Variants in C8orf34 observed in about 807,000 individuals in gnomAD.
The protein encoded by C8orf34 is uncharacterized protein C8orf34.
A neutral mutation model predicts 68.3 loss-of-function variants in C8orf34; 65 were observed. The ratio of observed to expected loss-of-function variants is 0.95; its 90% confidence interval spans 0.78 to 1.17. C8orf34 has a LOEUF of 1.17. Ranked by LOEUF, C8orf34 falls within the 50% of genes most tolerant of loss-of-function variation. C8orf34 has a pLI of 0.00. For synonymous variants in C8orf34, 244 were observed against 241.2 expected (o/e 1.01, Z -0.11); for missense variants, 664 against 655.4 (o/e 1.01, Z -0.14).
At chr8:68,709,664 C>T (rs1300151024) in intron 9 of C8orf34, among the ~76,000 whole-genome samples, 2 of 152,144 alleles carry the variant, frequency 1.3e-5, no homozygotes, top group Admixed American at 6.5e-5. Flanking sequence ...CCCTCTTTCT[C>T]CATCAACTCC....
At chr8:68,379,312 A>G (rs1807935015) in intron 1 of C8orf34, among the ~76,000 whole-genome samples, 1 of 152,200 alleles carries the variant, frequency 6.6e-6, no homozygotes, top group Non-Finnish European at 1.5e-5. Flanking sequence ...TTTCAGGTCC[A>G]CTTCCTTCCT....
At chr8:68,648,019 C>T (rs1453163391) in intron 8 of C8orf34, among the ~76,000 whole-genome samples, 1 of 152,054 alleles carries the variant, frequency 6.6e-6, no homozygotes, top group African/African-American at 2.4e-5. Flanking sequence ...GTAAAATAAG[C>T]CTTTATAAAA....
chr8:68,618,915 T>C (rs1201590987), intron 7 of C8orf34, among the ~76,000 whole-genome samples: 1 of 152,160 alleles, frequency 6.6e-6, no homozygotes, highest in Non-Finnish European at 1.5e-5. Flanking sequence ...ATATAATATC[T>C]AATTAAGTTT....
chr8:68,660,006 A>G (rs1325455697), intron 8 of C8orf34, among the ~76,000 whole-genome samples: 1 of 152,236 alleles, frequency 6.6e-6, no homozygotes, highest in Non-Finnish European at 1.5e-5. Flanking sequence ...CAGTAGCTTA[A>G]CATAATAACC....
chr8:68,454,427 C>T (rs919478081), intron 3 of C8orf34, among the ~76,000 whole-genome samples: 12 of 152,028 alleles, frequency 7.9e-5, no homozygotes, highest in Middle Eastern at 3.4e-3. Flanking sequence ...TCTTTATTAC[C>T]GAGTCAAAAT....
intron 7 of C8orf34, among the ~76,000 whole-genome samples, chr8:68,589,467 G>T (rs373430707): frequency 1.7e-5 from 2 of 120,734 alleles, no homozygotes; most frequent in Non-Finnish European, 3.6e-5. Flanking sequence ...GAGAAAGAAA[G>T]AAGAAAGAGG....
Position 68,651,715 on chromosome 8 carries a change from A to G in C8orf34, c.1241+11204A>G, listed in dbSNP as rs184091415. Among the ~76,000 whole-genome samples the G allele has an allele frequency of 5.9e-5, 9 of 152,348 alleles. No individual in the cohort carries two copies. In the East Asian group the frequency reaches 1.5e-3, roughly 26 times the overall value. ...AGCTAAACACTGGGTACACATGGAC[A>G]TAAGGATGGAAACAATAGACCCTGG... On this transcript the variant is annotated intron_variant, in intron 8 of 13. Transcript: ENST00000518698.
intron 11 of C8orf34, among the ~76,000 whole-genome samples, chr8:68,784,288 A>T (rs2129528906): frequency 6.6e-6 from 1 of 152,286 alleles, no homozygotes; most frequent in South Asian, 2.1e-4. Flanking sequence ...TTTTCATCAT[A>T]ATTAGATTGG....
At chr8:68,654,333 C>A (rs899092791) in intron 8 of C8orf34, among the ~76,000 whole-genome samples, 8 of 152,170 alleles carry the variant, frequency 5.3e-5, no homozygotes, top group African/African-American at 1.4e-4. Flanking sequence ...TATAGGGCAG[C>A]CTGAACAGAC....
At chr8:68,342,751 C>T (rs1053194793) in intron 1 of C8orf34, among the ~76,000 whole-genome samples, 2 of 152,132 alleles carry the variant, frequency 1.3e-5, no homozygotes, top group African/African-American at 4.8e-5. Flanking sequence ...CAGATTGACT[C>T]TTGTGGTATC....
At chr8:68,511,445 A>G (rs1586289977) in intron 5 of C8orf34, among the ~76,000 whole-genome samples, 1 of 152,114 alleles carries the variant, frequency 6.6e-6, no homozygotes, top group South Asian at 2.1e-4. Context: ...GTTTGGCGGG[A>G]AGGACAGTTA....
chr8:68,409,034 G>A (rs1809330268), intron 1 of C8orf34, among the ~76,000 whole-genome samples: 1 of 151,838 alleles, frequency 6.6e-6, no homozygotes, highest in African/African-American at 2.4e-5. Flanking sequence ...TGATACACCC[G>A]CCTTGGCCTC....
rs36094218 is a variant in C8orf34 at position 68,597,575 on chromosome 8, G to GGTGTGT, written c.1106-42779_1106-42774dup. ...GGTAATACATCTGCCACATTGTGGT[G>GGTGTGT]GTGTGTGTGTGTGTGTGTGTGTGTG... is the stretch of plus-strand genomic sequence containing the variant. On this transcript the variant is annotated intron_variant, in intron 7 of 13. Transcript: ENST00000518698. 1.9e-3 allele frequency among the ~76,000 whole-genome samples: 291 copies of GGTGTGT among 150,166 alleles called. 3 individuals carry two copies. The highest frequency in any genetic ancestry group is 6.4e-3 in the African/African-American group (262 of 40,972).
chr8:68,667,220 C>T (rs1040982727), intron 8 of C8orf34, among the ~76,000 whole-genome samples: 1 of 152,128 alleles, frequency 6.6e-6, no homozygotes, highest in Non-Finnish European at 1.5e-5. Context: ...GTGTATATTA[C>T]TTAATGTTTA....
chr8:68,681,903 T>C (rs182365238), intron 8 of C8orf34, among the ~76,000 whole-genome samples: 12 of 152,290 alleles, frequency 7.9e-5, no homozygotes, highest in Non-Finnish European at 1.8e-4. Flanking sequence ...TTAAGTGAGA[T>C]AAGCCAGGCT....
intron 8 of C8orf34, among the ~76,000 whole-genome samples, chr8:68,705,925 T>G (rs1026146716): frequency 1.4e-4 from 22 of 152,292 alleles, no homozygotes; most frequent in Middle Eastern, 3.4e-3. Context: ...CCTCTTGCGC[T>G]CTGCGCGTTG....
At chr8:68,497,186 C>T (rs1225293983) in intron 5 of C8orf34, among the ~76,000 whole-genome samples, 2 of 152,044 alleles carry the variant, frequency 1.3e-5, no homozygotes, top group Non-Finnish European at 2.9e-5. Context: ...GAATAAAAGA[C>T]CTAAATTCCA....
rs1231508667 is a variant in C8orf34 at position 68,587,383 on chromosome 8, T to C, written c.1106-52993T>C. On this transcript the variant is annotated intron_variant, in intron 7 of 13. Coordinates refer to ENST00000518698, the MANE Select transcript of C8orf34 (RefSeq NM_052958.4). Reference sequence around the variant, plus strand: ...TTTGAGCATTAGCATTGAACTTGCTTTTTCATCTTGTTATGTTATGAGTTT... The same window carrying C: ...TTTGAGCATTAGCATTGAACTTGCTCTTTCATCTTGTTATGTTATGAGTTT... Among the ~76,000 whole-genome samples the C allele has an allele frequency of 2.6e-5, 4 of 152,256 alleles. No individual in the cohort carries two copies. The East Asian group carries it at 7.7e-4, about 29-fold the overall frequency.
chr8:68,662,713 T>C (rs1220332264), intron 8 of C8orf34, among the ~76,000 whole-genome samples: 4 of 152,202 alleles, frequency 2.6e-5, no homozygotes, highest in Non-Finnish European at 5.9e-5. Context: ...GAACAGATGA[T>C]ACAGGAGGAA....
Sources: allele counts gnomAD v4.1 joint callset (sites outside exome capture counted in the v4.1 genomes callset), GRCh38; gene constraint gnomAD v4.1.1; transcripts MANE v1.5; gene names NCBI Gene and HGNC (gene_info 2026-07-23, HGNC 2026-07-21).